The following CCSER1 variants were observed in gnomAD, a reference collection of about 807,000 sequenced individuals.
The protein encoded by CCSER1 is coiled-coil serine rich protein 1.
A neutral mutation model predicts 82.0 loss-of-function variants in CCSER1; 41 were observed. That is an observed-to-expected ratio of 0.50 (90% CI 0.39 to 0.65). The LOEUF is 0.65. Ranked by LOEUF, CCSER1 falls within the 30% of genes least tolerant of loss-of-function variation. CCSER1 has a pLI of 0.00. For synonymous variants in CCSER1, 414 were observed against 383.9 expected, an observed-to-expected ratio of 1.08 and a Z score of -0.92; for missense variants, 1,119 against 1,064.2, an observed-to-expected ratio of 1.05 and a Z score of -0.72.
chr4:91,011,766 G>C (rs1377175673), intron 9 of CCSER1, among the ~76,000 whole-genome samples: 1 of 134,682 alleles, frequency 7.4e-6, no homozygotes, highest in African/African-American at 2.5e-5. Flanking sequence ...GCACTGTGTA[G>C]TGGTGACTCT....
At chr4:90,693,172 G>C (rs192449844) in intron 6 of CCSER1, among the ~76,000 whole-genome samples, 11 of 151,880 alleles carry the variant, frequency 7.2e-5, no homozygotes, top group Non-Finnish European at 1.5e-4. Context: ...TTGCATGCTT[G>C]TTAAGTGGCA....
chr4:90,415,951 CA>C (rs1430691943), intron 4 of CCSER1, among the ~76,000 whole-genome samples: 5 of 152,300 alleles, frequency 3.3e-5, no homozygotes, highest in African/African-American at 1.2e-4. Flanking sequence ...GTAGGTTGTA[CA>C]TAATCATTGG....
At chr4:90,454,310 A>G (rs1300303836) in intron 4 of CCSER1, among the ~76,000 whole-genome samples, 1 of 149,380 alleles carries the variant, frequency 6.7e-6, no homozygotes, top group Non-Finnish European at 1.5e-5. Context: ...TCTCTAAAGT[A>G]CTATCTGGTC....
intron 10 of CCSER1, among the ~76,000 whole-genome samples, chr4:91,356,726 TC>T (rs574808273): frequency 2.9e-4 from 44 of 152,250 alleles, no homozygotes; most frequent in Non-Finnish European, 4.9e-4. Context: ...GATCACTGCA[TC>T]CCTTCAGGTC....
chr4:90,129,710 T>C (rs1448447438), intron 1 of CCSER1, among the ~76,000 whole-genome samples: 4 of 152,234 alleles, frequency 2.6e-5, no homozygotes, highest in African/African-American at 9.6e-5. Flanking sequence ...TTGTATTGTT[T>C]TATTGCTTTC....
intron 4 of CCSER1, among the ~76,000 whole-genome samples, chr4:90,421,171 A>G (rs1321499994): frequency 6.6e-6 from 1 of 152,196 alleles, no homozygotes. Context: ...CACAATTACA[A>G]CAAATTAGGT....
At chr4:90,566,846 C>T (rs1779457517) in intron 5 of CCSER1, among the ~76,000 whole-genome samples, 1 of 152,050 alleles carries the variant, frequency 6.6e-6, no homozygotes, top group African/African-American at 2.4e-5. Flanking sequence ...TCGTGATCCG[C>T]CCATCTCGGC....
intron 3 of CCSER1, among the ~76,000 whole-genome samples, chr4:90,358,982 G>A (rs1158721970): frequency 6.6e-6 from 1 of 152,154 alleles, no homozygotes; most frequent in African/African-American, 2.4e-5. Flanking sequence ...TTCATGAAAA[G>A]ATACTTTTAA....
At chr4:90,694,191 CCTTATT>C (rs1290177187) in intron 6 of CCSER1, among the ~76,000 whole-genome samples, 1 of 151,900 alleles carries the variant, frequency 6.6e-6, no homozygotes, top group Non-Finnish European at 1.5e-5. Context: ...GTTGTATCAT[CCTTATT>C]TAGTGAAAAT....
chr4:90,384,600 A>G (rs1450721931), intron 3 of CCSER1, among the ~76,000 whole-genome samples: 4 of 152,126 alleles, frequency 2.6e-5, no homozygotes, highest in Non-Finnish European at 5.9e-5. Flanking sequence ...TAAACTTCTT[A>G]CCGGCCTGAA....
chr4:90,426,762 A>G (rs558868498), intron 4 of CCSER1, among the ~76,000 whole-genome samples: 3 of 152,202 alleles, frequency 2.0e-5, no homozygotes, highest in African/African-American at 7.2e-5. Flanking sequence ...ATATGACTCT[A>G]TTCTCTATAT....
chr4:90,211,035 G>A (rs534517275), intron 1 of CCSER1, among the ~76,000 whole-genome samples: 1 of 152,160 alleles, frequency 6.6e-6, no homozygotes, highest in African/African-American at 2.4e-5. Flanking sequence ...TAGTCTACTA[G>A]CTGTTAAAAA....
At chr4:90,348,262 TTAAAA>T (rs946531016) in intron 3 of CCSER1, among the ~76,000 whole-genome samples, 1 of 152,070 alleles carries the variant, frequency 6.6e-6, no homozygotes, top group Non-Finnish European at 1.5e-5. Flanking sequence ...ACACCTGAAC[TTAAAA>T]TAAAAGTTAA....
chr4:91,083,213 A>G (rs981702270), intron 9 of CCSER1, among the ~76,000 whole-genome samples: 4 of 152,196 alleles, frequency 2.6e-5, no homozygotes, highest in African/African-American at 9.7e-5. Flanking sequence ...CATATATACC[A>G]TGGAATACTA....
At chr4:90,991,827 A>G (rs569936602) in intron 9 of CCSER1, among the ~76,000 whole-genome samples, 41 of 152,044 alleles carry the variant, frequency 2.7e-4, no homozygotes, top group Non-Finnish European at 5.3e-4. Flanking sequence ...TTCAGCGAAG[A>G]TTCTGAAACA....
At chr4:91,077,355 A>G (rs1722110452) in intron 9 of CCSER1, among the ~76,000 whole-genome samples, 1 of 152,208 alleles carries the variant, frequency 6.6e-6, no homozygotes. Context: ...AAATCAATGC[A>G]CCTAAATGTA....
chr4:91,145,467 G>T (rs1446362868), intron 10 of CCSER1, among the ~76,000 whole-genome samples: 1 of 152,028 alleles, frequency 6.6e-6, no homozygotes, highest in East Asian at 1.9e-4. Context: ...GCTTAATATT[G>T]ATATGTGAGG....
Position 91,416,856 on chromosome 4 carries a change from G to C in CCSER1, c.2218-181716G>C, listed in dbSNP as rs1036888776. Among the ~76,000 whole-genome samples, 4 of 152,274 alleles carry C rather than the reference G, an allele frequency of 2.6e-5. No homozygotes were observed. In the East Asian group the frequency reaches 7.7e-4, roughly 29 times the overall value. ...AACAAAAGCCAGAATTGACAAATAGGATCTACTTAAACTAAAGAGTTTCTG... is the reference window on the plus strand; with the variant it reads ...AACAAAAGCCAGAATTGACAAATAGCATCTACTTAAACTAAAGAGTTTCTG... On this transcript the variant is annotated intron_variant, in intron 10 of 10. Transcript: ENST00000509176.
intron 1 of CCSER1, among the ~76,000 whole-genome samples, chr4:90,202,298 G>A (rs1737877410): frequency 6.6e-6 from 1 of 151,730 alleles, no homozygotes; most frequent in Non-Finnish European, 1.5e-5. Context: ...TGCCTCCCAG[G>A]TTCAAGCGAT....
Sources: allele counts gnomAD v4.1 joint callset (sites outside exome capture counted in the v4.1 genomes callset), GRCh38; gene constraint gnomAD v4.1.1; transcripts MANE v1.5; gene names NCBI Gene and HGNC (gene_info 2026-07-23, HGNC 2026-07-21).